Variants in ANKRD27 observed in about 807,000 individuals in gnomAD.
ANKRD27 encodes the protein ankyrin repeat domain 27, also known as ankyrin repeat domain-containing protein 27.
A neutral mutation model predicts 129.7 loss-of-function variants in ANKRD27; 112 were observed. That is an observed-to-expected ratio of 0.86 (90% CI 0.74 to 1.01). The LOEUF is 1.01. ANKRD27 is among the 50% of genes least tolerant of loss of function. ANKRD27 has a pLI of 0.00. For synonymous variants in ANKRD27, 516 were observed against 511.2 expected (o/e 1.01, Z -0.13); for missense variants, 1,258 against 1,300.5 (o/e 0.97, Z 0.50).
Position 32,597,508 on chromosome 19 carries a change from T to TA in ANKRD27, c.*636dup, listed in dbSNP as rs1348254565. On this transcript the variant is annotated 3_prime_UTR_variant, in exon 29 of 29. Coordinates refer to ENST00000306065, the MANE Select transcript of ANKRD27 (RefSeq NM_032139.3). ...TAACCGAATATCTGTACCTACTTGT[T>TA]AGAAGGAAAATGATAACCACCCTTT... The TA allele has an allele frequency of 6.5e-6, 1 of 153,590 alleles. No individual in the cohort carries two copies. The highest frequency in any genetic ancestry group is 1.5e-5 in the Non-Finnish European group (1 of 68,790). 9.5% of individuals were successfully genotyped at this position (153,590 alleles called of 1,614,324 possible).
rs567954431 is a variant in ANKRD27 at position 32,614,479 on chromosome 19, G to T, written c.2175+1179C>A. 3.9e-5 allele frequency among the ~76,000 whole-genome samples: 6 copies of T among 152,072 alleles called. No individual in the cohort carries two copies. The South Asian group carries it at 1.2e-3, about 32-fold the overall frequency. ...AGCACTTTGGGAGGCTGAGATGGGCGAATCACTTGAGGTCAGGAGTTTGAG... is the reference window on the plus strand; with the variant it reads ...AGCACTTTGGGAGGCTGAGATGGGCTAATCACTTGAGGTCAGGAGTTTGAG... On this transcript the variant is annotated intron_variant, in intron 22 of 28. Coordinates refer to ENST00000306065, the MANE Select transcript of ANKRD27 (RefSeq NM_032139.3).
chr19:32,670,519 C>T (rs1285280986), intron 1 of ANKRD27, among the ~76,000 whole-genome samples: 6 of 150,652 alleles, frequency 4.0e-5, no homozygotes, highest in Non-Finnish European at 8.9e-5. Context: ...ACTAAAAATA[C>T]AAAAATTAGC....
intron 8 of ANKRD27, 22 bp downstream of exon 8, chr19:32,643,265 G>T: frequency 1.2e-6 from 2 of 1,614,002 alleles, no homozygotes; most frequent in Non-Finnish European, 8.5e-7. Context: ...TCCATCTTGG[G>T]TGATAATAAC....
In ANKRD27 at chr19:32,644,474, G is replaced by A. The variant is rs759863406; in HGVS notation, c.376C>T (p.Pro126Ser). 10 of 1,613,066 alleles carry A rather than the reference G, an allele frequency of 6.2e-6. No homozygotes were observed. In the South Asian group the frequency reaches 1.1e-4, roughly 18 times the overall value. ...PLEKRESSEE[P>S]LAPSDPFSLK... Reference sequence around the variant, plus strand: ...GAAAAGGGATCTGAGGGTGCCAAAGGCTCTTCTGAAAAAGAAACAAACAGG... The same window carrying A: ...GAAAAGGGATCTGAGGGTGCCAAAGACTCTTCTGAAAAAGAAACAAACAGG... The change falls in exon 5 of 29, where the codon CCT becomes TCT. Residue 126 changes from proline (P) to serine (S), a missense_variant. Transcript: ENST00000306065.
Position 32,631,408 on chromosome 19 carries a change from C to T in ANKRD27, c.1203G>A (p.Leu401=), listed in dbSNP as rs769610428. Reference sequence around the variant, plus strand: ...AGATGTCTTGGTATCTCACCTTAAACAGGCAGTCGGTGGGAGACGAAGTCA... The same window carrying T: ...AGATGTCTTGGTATCTCACCTTAAATAGGCAGTCGGTGGGAGACGAAGTCA... The part of the protein sequence containing the change: ...SQMTSSPTDC[L]FKHIASGNQK... The change falls in exon 13 of 29, where the codon CTG becomes CTA. Residue 401 remains leucine (L), a synonymous_variant. Coordinates refer to ENST00000306065, the MANE Select transcript of ANKRD27 (RefSeq NM_032139.3). The T allele has an allele frequency of 2.0e-5, 32 of 1,613,922 alleles. No homozygotes were observed. The highest frequency in any genetic ancestry group is 1.3e-4 in the African/African-American group (10 of 75,056).
intron 23 of ANKRD27, 99 bp downstream of exon 23, chr19:32,607,536 C>T (rs1385280547): frequency 7.1e-7 from 1 of 1,411,122 alleles, no homozygotes; most frequent in Admixed American, 2.2e-5. Flanking sequence ...GCAGTGTCCT[C>T]CAGGGTAGCC....
chr19:32,600,130 C>T, intron 26 of ANKRD27, 80 bp from the exon 27 acceptor site: 1 of 1,073,820 alleles, frequency 9.3e-7, no homozygotes, highest in Non-Finnish European at 1.4e-6. Flanking sequence ...CAGACACAAT[C>T]TTTCTATTCT....
At chr19:32,640,155 G>C (rs562099811) in intron 11 of ANKRD27, 152 bp downstream of exon 11, 1 of 512,596 alleles carries the variant, frequency 2.0e-6, no homozygotes, top group East Asian at 4.0e-5. Flanking sequence ...AGTAGAGACG[G>C]GGTTTCACCG....
chr19:32,609,661 G>C (rs925406327), intron 22 of ANKRD27, among the ~76,000 whole-genome samples: 16 of 140,802 alleles, frequency 1.1e-4, no homozygotes, highest in Non-Finnish European at 2.2e-4. Flanking sequence ...TGGGGGAATG[G>C]GGGGGTCATA....
rs111727726 is a variant in ANKRD27 at position 32,631,639 on chromosome 19, G to A, written c.1117-145C>T. The A allele has an allele frequency of 9.3e-5, 63 of 679,858 alleles. 1 individual carries two copies. The highest frequency in any genetic ancestry group is 7.4e-4 in the African/African-American group (41 of 55,240). 42.1% of individuals were successfully genotyped at this position (679,858 alleles called of 1,614,324 possible). On this transcript the variant is annotated intron_variant, in intron 12 of 28. Coordinates refer to ENST00000306065, the MANE Select transcript of ANKRD27 (RefSeq NM_032139.3). ...TCATATGGGACCTGCTCACTGAGACGGAGGACGGGCTGACGTCAGGTGGGG... is the reference window on the plus strand; with the variant it reads ...TCATATGGGACCTGCTCACTGAGACAGAGGACGGGCTGACGTCAGGTGGGG...
At position 32,626,820 on chromosome 19, in the gene ANKRD27, T is replaced by C; in HGVS notation, c.1428A>G (p.Ala476=). ...TGGAAACCAGGAGGTCGATGAGGGATGCCTGCCCTGCAGAGCAGAAGGACG... is the reference window on the plus strand; with the variant it reads ...TGGAAACCAGGAGGTCGATGAGGGACGCCTGCCCTGCAGAGCAGAAGGACG... ...PLHVAAVCGQ[A]SLIDLLVSKG... is the part of the protein sequence containing the mutation. Residue 476 remains alanine (A), a synonymous_variant, in exon 16 of 29, where the codon GCA becomes GCG. Transcript: ENST00000306065. The C allele has an allele frequency of 3.7e-6, 6 of 1,608,214 alleles. No homozygotes were observed. The highest frequency in any genetic ancestry group is 5.1e-6 in the Non-Finnish European group (6 of 1,177,254).
At chr19:32,626,540 C>G (rs112863507) in intron 16 of ANKRD27, among the ~76,000 whole-genome samples, 172 bp downstream of exon 16, 2 of 149,576 alleles carry the variant, frequency 1.3e-5, no homozygotes, top group African/African-American at 5.1e-5. Flanking sequence ...CAGGAGACCC[C>G]GGGAGTCCTT....
chr19:32,644,279 G>A (rs1246101254), intron 5 of ANKRD27, 46 bp downstream of exon 5: 1 of 1,595,378 alleles, frequency 6.3e-7, no homozygotes, highest in Non-Finnish European at 8.6e-7. Flanking sequence ...ACCCTGCACT[G>A]AACCGAGACA....
intron 12 of ANKRD27, among the ~76,000 whole-genome samples, chr19:32,633,966 G>A (rs1211826344): frequency 6.6e-6 from 1 of 152,072 alleles, no homozygotes; most frequent in Non-Finnish European, 1.5e-5. Context: ...AGGAGTTGGA[G>A]GCTGCAGTGA....
chr19:32,663,442 T>A (rs1332892422), intron 1 of ANKRD27, among the ~76,000 whole-genome samples: 4 of 152,268 alleles, frequency 2.6e-5, no homozygotes, highest in Admixed American at 6.5e-5. Context: ...ATAGTCCTTA[T>A]GATTTCTAAA....
At chr19:32,664,761 A>C (rs1967716095) in intron 1 of ANKRD27, among the ~76,000 whole-genome samples, 5 of 151,074 alleles carry the variant, frequency 3.3e-5, no homozygotes, top group Admixed American at 3.3e-4. Flanking sequence ...GAGTTCGAGA[A>C]AAGCCTGGGC....
chr19:32,615,026 G>A (rs750448179), intron 22 of ANKRD27, among the ~76,000 whole-genome samples: 2 of 152,254 alleles, frequency 1.3e-5, no homozygotes, highest in Admixed American at 6.5e-5. Flanking sequence ...CAGAACATGC[G>A]TGCAGCTTCC....
intron 1 of ANKRD27, among the ~76,000 whole-genome samples, chr19:32,674,595 G>A (rs565701553): frequency 2.3e-4 from 35 of 152,170 alleles, no homozygotes; most frequent in African/African-American, 8.4e-4. Context: ...CGAGAGGCCG[G>A]CAGCCAGGGA....
chr19:32,666,808 G>C (rs1054561895), intron 1 of ANKRD27, among the ~76,000 whole-genome samples: 3 of 151,798 alleles, frequency 2.0e-5, no homozygotes, highest in Non-Finnish European at 4.4e-5. Flanking sequence ...TACCACTCCC[G>C]GCTAATTTTT....
Sources: gnomAD v4.1 joint callset for allele counts (sites outside exome capture counted in the v4.1 genomes callset) on GRCh38, gnomAD v4.1.1 for gene constraint, MANE v1.5 for transcripts, NCBI Gene and HGNC (gene_info 2026-07-23, HGNC 2026-07-21) for gene names.